Variants in S100A8 observed in about 807,000 individuals in gnomAD.
S100A8 encodes the protein S100 calcium binding protein A8, also known as protein S100-A8.
In S100A8, 1 loss-of-function variant was observed where a neutral mutation model predicts 4.2. The ratio of observed to expected loss-of-function variants is 0.24; its 90% CI spans 0.08 to 1.12. The LOEUF (loss-of-function observed/expected upper bound fraction) is 1.12. S100A8 is among the 50% of genes most tolerant of loss of function. S100A8 has a pLI of 0.53. For missense variants in S100A8, 96 were observed against 111.8 expected, an observed-to-expected ratio of 0.86 and a Z score of 0.64; for synonymous variants, 41 against 44.7, an observed-to-expected ratio of 0.92 and a Z score of 0.33.
chr1:153,404,596 G>A, the S100A8 span, among the ~76,000 whole-genome samples: 1 of 152,318 alleles, frequency 6.6e-6, no homozygotes, highest in South Asian at 2.1e-4. Flanking sequence ...CATGTGTATA[G>A]GCATCAAGAT....
chr1:153,390,572 C>T lies in S100A8; in HGVS notation c.-22-15G>A. The T allele has an allele frequency of 6.2e-7, 1 of 1,612,872 alleles. No homozygotes were observed. Among genetic ancestry groups the T allele is most frequent in the Non-Finnish European group, 8.5e-7 (1 of 1,179,340 alleles). On this transcript the variant is annotated splice_polypyrimidine_tract_variant and intron_variant, in intron 1 of 2. Coordinates refer to ENST00000368733, the MANE Select transcript of S100A8 (RefSeq NM_002964.5). ...ACTTGCCCCACCTGAAAAACAGAAC[C>T]TTCTGGGGAATCCCATGGCAGGGAA...
At chr1:153,392,204 C>T (rs112883521), upstream of S100A8, among the ~76,000 whole-genome samples, 27 of 152,200 alleles carry the variant, frequency 1.8e-4, no homozygotes, top group African/African-American at 5.3e-4. Context: ...GACACTTCTC[C>T]GAAGAAGATA....
At chr1:153,419,078 C>T in the S100A8 span, 9 of 1,553,682 alleles carry the variant, frequency 5.8e-6, no homozygotes, top group Admixed American at 1.5e-4. Context: ...GCCTCCTCCT[C>T]TCCCCTCCCA....
At chr1:153,421,399 G>C in the S100A8 span, 4 of 152,162 alleles carry the variant, frequency 2.6e-5, no homozygotes, top group Non-Finnish European at 4.4e-5. Context: ...AATCATGGAG[G>C]GAAAACATTG....
At chr1:153,419,209 A>G in the S100A8 span, 2 of 1,614,176 alleles carry the variant, frequency 1.2e-6, no homozygotes. Context: ...GAGGATAAGA[A>G]GATTGATTTT....
the S100A8 span, chr1:153,418,222 G>A: frequency 6.2e-7 from 1 of 1,613,986 alleles, no homozygotes. Flanking sequence ...CTCAGTGCCT[G>A]TGTGAGTTGG....
chr1:153,421,232 T>C, the S100A8 span: 1 of 152,240 alleles, frequency 6.6e-6, no homozygotes, highest in African/African-American at 2.4e-5. Flanking sequence ...TGAGCTTTAA[T>C]GTCAGTGTCT....
chr1:153,401,343 A>T, the S100A8 span, among the ~76,000 whole-genome samples: 1 of 152,194 alleles, frequency 6.6e-6, no homozygotes, highest in East Asian at 1.9e-4. Context: ...GCTGTGGAGA[A>T]AGGGGGCGGA....
the S100A8 span, among the ~76,000 whole-genome samples, chr1:153,409,764 G>T: frequency 5.3e-5 from 8 of 152,114 alleles, no homozygotes; most frequent in Admixed American, 3.3e-4. Flanking sequence ...AAGAACAGAA[G>T]TTATAACAAA....
At chr1:153,399,349 G>T in the S100A8 span, among the ~76,000 whole-genome samples, 16 of 152,202 alleles carry the variant, frequency 1.1e-4, no homozygotes, top group Admixed American at 3.3e-4. Flanking sequence ...CCAGTTTCAG[G>T]GGCCCACATC....
the S100A8 span, among the ~76,000 whole-genome samples, chr1:153,406,118 C>T: frequency 6.6e-6 from 1 of 152,250 alleles, no homozygotes; most frequent in Admixed American, 6.5e-5. Context: ...CCCTACAAAG[C>T]TTCCCCTGGT....
At chr1:153,401,014 C>T in the S100A8 span, among the ~76,000 whole-genome samples, 2 of 152,194 alleles carry the variant, frequency 1.3e-5, no homozygotes, top group Non-Finnish European at 2.9e-5. Flanking sequence ...CTCCTTTTCA[C>T]CCTACCTTTT....
chr1:153,409,085 C>A, the S100A8 span, among the ~76,000 whole-genome samples: 2 of 152,132 alleles, frequency 1.3e-5, no homozygotes, highest in Non-Finnish European at 2.9e-5. Context: ...AGCAAAATAA[C>A]CAGCTAACAT....
chr1:153,399,307 T>C, the S100A8 span, among the ~76,000 whole-genome samples: 1 of 152,128 alleles, frequency 6.6e-6, no homozygotes, highest in Non-Finnish European at 1.5e-5. Flanking sequence ...TGAGGTGACA[T>C]CACAACACTT....
chr1:153,417,595 T>G, the S100A8 span, among the ~76,000 whole-genome samples: 1 of 152,152 alleles, frequency 6.6e-6, no homozygotes, highest in Non-Finnish European at 1.5e-5. Flanking sequence ...GGGCCCACGG[T>G]GTCTGGTTCC....
chr1:153,406,829 GTGTT>G, the S100A8 span, among the ~76,000 whole-genome samples: 2 of 152,322 alleles, frequency 1.3e-5, no homozygotes, highest in South Asian at 4.1e-4. Context: ...TTTATGGAGA[GTGTT>G]TGTTCCAGAC....
chr1:153,390,629 T>C (rs3795391), intron 1 of S100A8, 72 bp from the exon 2 acceptor site: 167,289 of 1,560,056 alleles, frequency 0.11, 9,360 homozygotes, highest in Non-Finnish European at 0.12. Context: ...ACGCAGAGGA[T>C]TCATGCCCCA....
At chr1:153,395,694 G>A (rs1177172774), upstream of S100A8, among the ~76,000 whole-genome samples, 1 of 152,166 alleles carries the variant, frequency 6.6e-6, no homozygotes, top group Non-Finnish European at 1.5e-5. Context: ...AAAGGATAAA[G>A]TCCAAATTCC....
chr1:153,399,407 A>G, the S100A8 span, among the ~76,000 whole-genome samples: 1 of 152,298 alleles, frequency 6.6e-6, no homozygotes, highest in South Asian at 2.1e-4. Flanking sequence ...AGGTCCCATT[A>G]TCTGTCTCCC....
Sources: gnomAD v4.1 joint callset for allele counts (sites outside exome capture counted in the v4.1 genomes callset) on GRCh38, gnomAD v4.1.1 for gene constraint, MANE v1.5 for transcripts, NCBI Gene and HGNC (gene_info 2026-07-23, HGNC 2026-07-21) for gene names.